PTPN9: variants seen among roughly 807,000 people sequenced by gnomAD.
PTPN9 encodes the protein tyrosine-protein phosphatase non-receptor type 9.
Under a neutral mutation model 69.8 loss-of-function variants are expected in PTPN9, and 26 were observed. The observed-to-expected ratio is 0.37, with a 90% confidence interval of 0.27 to 0.52. The LOEUF is 0.52. Among genes scored for constraint, PTPN9 ranks in the 20% least tolerant of loss-of-function variants. The probability of loss-of-function intolerance (pLI) is 0.91; values close to 1 mark genes in which losing one functional copy is unlikely to be tolerated. For missense variants in PTPN9, 549 were observed against 740.3 expected (o/e 0.74, Z 3.00); for synonymous variants, 274 against 272.5 (o/e 1.01, Z -0.05).
At chr15:75,562,766 C>G (rs888185213) in intron 1 of PTPN9, among the ~76,000 whole-genome samples, 9 of 128,670 alleles carry the variant, frequency 7.0e-5, no homozygotes, top group Admixed American at 2.9e-4. Flanking sequence ...GCACTCCAGC[C>G]TGGATGACAG....
chr15:75,540,884 C>A (rs1567513248), intron 1 of PTPN9, among the ~76,000 whole-genome samples: 1 of 151,630 alleles, frequency 6.6e-6, no homozygotes, highest in Non-Finnish European at 1.5e-5. Context: ...TTGAGACCAG[C>A]CTGGGCAACA....
At chr15:75,534,570 G>C (rs566509889) in intron 1 of PTPN9, among the ~76,000 whole-genome samples, 7 of 152,038 alleles carry the variant, frequency 4.6e-5, no homozygotes, top group African/African-American at 1.7e-4. Flanking sequence ...AGCTACTCGG[G>C]GGGCTGAGGT....
intron 1 of PTPN9, among the ~76,000 whole-genome samples, chr15:75,554,847 T>G (rs560247087): frequency 1.2e-4 from 18 of 152,256 alleles, no homozygotes; most frequent in African/African-American, 3.6e-4. Flanking sequence ...ATCTGTTAAC[T>G]CACATGTCCA....
At chr15:75,508,297 A>G (rs555461467) in intron 6 of PTPN9, among the ~76,000 whole-genome samples, 2 of 152,214 alleles carry the variant, frequency 1.3e-5, no homozygotes, top group South Asian at 4.1e-4. Context: ...GCCTCAAGCG[A>G]TCTTCCCGCC....
chr15:75,566,816 T>C (rs2075128384), intron 1 of PTPN9, among the ~76,000 whole-genome samples: 1 of 152,036 alleles, frequency 6.6e-6, no homozygotes, highest in Non-Finnish European at 1.5e-5. Context: ...AGTGAGGTCC[T>C]ATCTCTATTA....
intron 5 of PTPN9, among the ~76,000 whole-genome samples, chr15:75,510,391 C>T (rs2074839977): frequency 6.6e-6 from 1 of 152,112 alleles, no homozygotes; most frequent in Non-Finnish European, 1.5e-5. Flanking sequence ...GACTGCGCCA[C>T]TACACTTGGC....
chr15:75,467,136 G>A lies in PTPN9; in HGVS notation c.*1633C>T, dbSNP rs547701177. The A allele has an allele frequency of 1.3e-3, 195 of 152,402 alleles. No individual in the cohort carries two copies. Among genetic ancestry groups the A allele is most frequent in the Middle Eastern group, 3.4e-3 (1 of 296 alleles). The allele number at this position is 152,402 out of a possible 1,614,324, so 9.4% of individuals were successfully genotyped here. A position where few individuals can be genotyped will look rare whatever the true frequency, so the allele number is the denominator to read the frequency against. Reference sequence around the variant, plus strand: ...AAGCTAAAAGGGTTTTGATCATGTCGGTATATTTATATGTAAATACAAAAC... The same window carrying A: ...AAGCTAAAAGGGTTTTGATCATGTCAGTATATTTATATGTAAATACAAAAC... On this transcript the variant is annotated 3_prime_UTR_variant, in exon 13 of 13. Coordinates refer to ENST00000618819, the MANE Select transcript of PTPN9 (RefSeq NM_002833.4).
At chr15:75,567,417 A>G (rs2075131172) in intron 1 of PTPN9, among the ~76,000 whole-genome samples, 1 of 152,240 alleles carries the variant, frequency 6.6e-6, no homozygotes, top group Admixed American at 6.5e-5. Flanking sequence ...AATGATTCAC[A>G]TCAAAACAAA....
intron 10 of PTPN9, among the ~76,000 whole-genome samples, chr15:75,471,727 C>G (rs2074566908): frequency 6.7e-6 from 1 of 149,848 alleles, no homozygotes; most frequent in Non-Finnish European, 1.5e-5. Context: ...CTAGCCTGGC[C>G]AACACGGTGA....
intron 8 of PTPN9, among the ~76,000 whole-genome samples, chr15:75,488,744 C>T (rs1005014408): frequency 2.0e-5 from 3 of 152,048 alleles, no homozygotes; most frequent in East Asian, 1.9e-4. Context: ...CAGTGAGCTA[C>T]GATCAAGTCA....
Position 75,467,597 on chromosome 15 carries a change from C to T in PTPN9, c.*1172G>A, listed in dbSNP as rs2074542220. The T allele has an allele frequency of 6.6e-6, 1 of 152,604 alleles. No homozygotes were observed. Among genetic ancestry groups the T allele is most frequent in the Admixed American group, 6.5e-5 (1 of 15,270 alleles). 9.5% of individuals were successfully genotyped at this position (152,604 alleles called of 1,614,324 possible). On this transcript the variant is annotated 3_prime_UTR_variant, in exon 13 of 13. Coordinates refer to ENST00000618819, the MANE Select transcript of PTPN9 (RefSeq NM_002833.4). ...AGATGGGCATCTCGGTAGACAGGGC[C>T]AAGCTGCATAAAGGAACCATCCAGC...
chr15:75,470,938 A>C, intron 10 of PTPN9, 108 bp from the exon 11 acceptor site: 1 of 1,320,838 alleles, frequency 7.6e-7, no homozygotes, highest in Non-Finnish European at 1.0e-6. Flanking sequence ...CATCTCTTGC[A>C]TTGCTTCTAA....
chr15:75,500,308 T>G lies in PTPN9; in HGVS notation c.968+5367A>C, dbSNP rs117685542. Among the ~76,000 whole-genome samples, 1,253 of 150,918 alleles carry G rather than the reference T, an allele frequency of 8.3e-3. 32 individuals are homozygous for G. In the East Asian group the frequency reaches 0.1, roughly 12 times the overall value. ...GCCTGGCCGAGAGTGAGACTCTGTC[T>G]CAAAATAAATAAATAAATAAATAAA... On this transcript the variant is annotated intron_variant, in intron 7 of 12. Transcript: ENST00000618819.
chr15:75,533,647 A>T (rs2074972053), intron 1 of PTPN9, among the ~76,000 whole-genome samples: 1 of 152,212 alleles, frequency 6.6e-6, no homozygotes, highest in Non-Finnish European at 1.5e-5. Flanking sequence ...AAATAAAAAC[A>T]AGTTTCTTGA....
chr15:75,559,985 C>G (rs182800800), intron 1 of PTPN9, among the ~76,000 whole-genome samples: 2 of 151,918 alleles, frequency 1.3e-5, no homozygotes, highest in Admixed American at 1.3e-4. Flanking sequence ...ACTAAAAATA[C>G]AGAAATTAGC....
At chr15:75,511,176 TGAG>T (rs776755455) in intron 5 of PTPN9, among the ~76,000 whole-genome samples, 34 of 152,164 alleles carry the variant, frequency 2.2e-4, no homozygotes, top group Non-Finnish European at 4.9e-4. Flanking sequence ...TGTCCAGATT[TGAG>T]GAGCTATTTT....
At chr15:75,529,958 G>A (rs1394306914) in intron 1 of PTPN9, among the ~76,000 whole-genome samples, 1 of 150,282 alleles carries the variant, frequency 6.7e-6, no homozygotes, top group Non-Finnish European at 1.5e-5. Context: ...TGTAATCCCA[G>A]CACTTTGGGA....
rs116561793 is a variant in PTPN9, at chr15:75,496,528, G to A, written c.969-6227C>T. ...TTTTTTTTTTTTGAGACAGGGTCTC[G>A]CTCTGTATTCCAAGCTGGAGTCCAG... is the stretch of plus-strand genomic sequence containing the variant. On this transcript the variant is annotated intron_variant, in intron 7 of 12. Coordinates refer to ENST00000618819, the MANE Select transcript of PTPN9 (RefSeq NM_002833.4). Among the ~76,000 whole-genome samples the A allele has an allele frequency of 5.6e-3, 817 of 144,794 alleles. 5 individuals carry two copies. Among genetic ancestry groups the A allele is most frequent in the African/African-American group, 0.021 (793 of 38,648 alleles). The allele number at this position is 144,794 out of a possible 152,430, so 95.0% of individuals were successfully genotyped here. A position where few individuals can be genotyped will look rare whatever the true frequency, so the allele number is the denominator to read the frequency against.
chr15:75,575,700 A>G (rs1268306500), intron 1 of PTPN9, among the ~76,000 whole-genome samples: 1 of 151,862 alleles, frequency 6.6e-6, no homozygotes, highest in African/African-American at 2.4e-5. Context: ...CGGGTGGATC[A>G]TGAGGTCAGG....
Sources: gnomAD v4.1 joint callset for allele counts (sites outside exome capture counted in the v4.1 genomes callset) on GRCh38, gnomAD v4.1.1 for gene constraint, MANE v1.5 for transcripts, NCBI Gene and HGNC (gene_info 2026-07-23, HGNC 2026-07-21) for gene names.